The following ROCK1 variants were observed in gnomAD, a reference collection of about 807,000 sequenced individuals.
ROCK1 encodes Rho associated coiled-coil containing protein kinase 1, also known as rho-associated protein kinase 1.
In ROCK1, 36 loss-of-function variants were observed where a neutral mutation model predicts 196.8. The ratio of observed to expected loss-of-function variants is 0.18; its 90% confidence interval spans 0.14 to 0.24. The LOEUF is 0.24. ROCK1 is among the 10% of genes least tolerant of loss of function. The probability of loss-of-function intolerance (pLI) is 1.00; values close to 1 mark genes in which losing one functional copy is unlikely to be tolerated. For synonymous variants in ROCK1, 443 were observed against 515.9 expected (o/e 0.86, Z 1.91); for missense variants, 920 against 1,562.0 (o/e 0.59, Z 6.93).
At position 20,972,329 on chromosome 18, in the gene ROCK1, C is replaced by T. The variant is rs2035437041; in HGVS notation, c.2655-1816G>A. ...ATGAGGAAGACAGGAAGGAGCAGTTCGCAAGGTCAGGGAATCAGGAAGTTT... is the reference window on the plus strand; with the variant it reads ...ATGAGGAAGACAGGAAGGAGCAGTTTGCAAGGTCAGGGAATCAGGAAGTTT... On this transcript the variant is annotated intron_variant, in intron 22 of 32. Coordinates refer to ENST00000399799, the MANE Select transcript of ROCK1 (RefSeq NM_005406.3). Among the ~76,000 whole-genome samples, 3 of 152,226 alleles carry T rather than the reference C, an allele frequency of 2.0e-5. No individual in the cohort carries two copies. In the South Asian group the frequency reaches 6.2e-4, roughly 32 times the overall value.
intron 32 of ROCK1, among the ~76,000 whole-genome samples, chr18:20,952,213 C>G (rs937070502): frequency 6.6e-6 from 1 of 151,580 alleles, no homozygotes; most frequent in Non-Finnish European, 1.5e-5. Flanking sequence ...TAAACTCCAT[C>G]TCTACTAAAA....
intron 1 of ROCK1, among the ~76,000 whole-genome samples, chr18:21,088,456 C>T (rs953319388): frequency 2.6e-5 from 4 of 152,168 alleles, no homozygotes; most frequent in African/African-American, 9.7e-5. Flanking sequence ...GCTATGATCA[C>T]GTCACTGCAC....
chr18:21,052,382 T>C (rs958264028), intron 2 of ROCK1, among the ~76,000 whole-genome samples: 2 of 152,184 alleles, frequency 1.3e-5, no homozygotes, highest in African/African-American at 4.8e-5. Flanking sequence ...CCTACCCAAA[T>C]CTCAGGATCT....
At chr18:20,997,722 A>G (rs1240314891) in intron 16 of ROCK1, among the ~76,000 whole-genome samples, 1 of 152,198 alleles carries the variant, frequency 6.6e-6, no homozygotes, top group Non-Finnish European at 1.5e-5. Context: ...TCAAGGACAG[A>G]CCATATGTTA....
chr18:21,026,762 T>C (rs1308285063), intron 10 of ROCK1, among the ~76,000 whole-genome samples: 1 of 152,126 alleles, frequency 6.6e-6, no homozygotes, highest in Non-Finnish European at 1.5e-5. Flanking sequence ...TGACCTCAAA[T>C]GTAATAATTT....
chr18:21,102,245 A>G (rs550608530), intron 1 of ROCK1, among the ~76,000 whole-genome samples: 5 of 152,298 alleles, frequency 3.3e-5, no homozygotes, highest in East Asian at 1.9e-4. Flanking sequence ...AAGTGCCTCA[A>G]GTGAATCTGA....
At position 20,960,016 on chromosome 18, in the gene ROCK1, G is replaced by C. The variant is rs2035311638; in HGVS notation, c.3424-88C>G. Reference sequence around the variant, plus strand: ...GCATAATATTTGCCACTAATATCTAGATTATACTGTATTAATGTAAAATAA... The same window carrying C: ...GCATAATATTTGCCACTAATATCTACATTATACTGTATTAATGTAAAATAA... On this transcript the variant is annotated intron_variant, in intron 28 of 32. Coordinates refer to ENST00000399799, the MANE Select transcript of ROCK1 (RefSeq NM_005406.3). The C allele has an allele frequency of 2.9e-6, 3 of 1,029,688 alleles. No homozygotes were observed. In the Middle Eastern group the frequency reaches 6.2e-4, roughly 212 times the overall value. 63.8% of individuals were successfully genotyped at this position (1,029,688 alleles called of 1,614,324 possible).
intron 20 of ROCK1, among the ~76,000 whole-genome samples, chr18:20,984,124 T>C (rs1003187585): frequency 7.9e-5 from 12 of 152,188 alleles, no homozygotes; most frequent in Admixed American, 3.3e-4. Flanking sequence ...CCTGAAGAAA[T>C]GTGATGACTT....
intron 1 of ROCK1, among the ~76,000 whole-genome samples, chr18:21,103,412 A>C (rs1009227830): frequency 7.2e-5 from 11 of 152,048 alleles, no homozygotes; most frequent in Non-Finnish European, 1.5e-4. Context: ...GTTTTAATTG[A>C]AGTGTAATAA....
chr18:20,982,875 A>G (rs746413278), intron 20 of ROCK1, 43 bp from the exon 21 acceptor site: 1 of 817,694 alleles, frequency 1.2e-6, no homozygotes, highest in East Asian at 2.6e-5. Flanking sequence ...GCTCCTACTT[A>G]TACTAGACTT....
intron 1 of ROCK1, among the ~76,000 whole-genome samples, chr18:21,109,626 G>A (rs1192010512): frequency 6.6e-6 from 1 of 152,064 alleles, no homozygotes. Flanking sequence ...ACCCACAATA[G>A]TCTTATTTCC....
chr18:21,072,330 C>CTTTTTATTA (rs1178211844), intron 1 of ROCK1, among the ~76,000 whole-genome samples: 2 of 152,144 alleles, frequency 1.3e-5, no homozygotes, highest in Non-Finnish European at 2.9e-5. Flanking sequence ...ACTTGTGTGC[C>CTTTTTATTA]TTTATTAGGG....
At chr18:20,985,860 T>C (rs1483303954) in intron 19 of ROCK1, among the ~76,000 whole-genome samples, 1 of 152,096 alleles carries the variant, frequency 6.6e-6, no homozygotes, top group Non-Finnish European at 1.5e-5. Context: ...CATGCAAGTT[T>C]TATTTTTTAT....
At chr18:21,056,095 T>C (rs2036242909) in intron 2 of ROCK1, among the ~76,000 whole-genome samples, 1 of 152,172 alleles carries the variant, frequency 6.6e-6, no homozygotes, top group African/African-American at 2.4e-5. Context: ...GTTCCTCCCC[T>C]TCTCTCAGAT....
intron 1 of ROCK1, among the ~76,000 whole-genome samples, chr18:21,089,772 T>C (rs1009514868): frequency 2.6e-5 from 4 of 152,196 alleles, no homozygotes; most frequent in Non-Finnish European, 5.9e-5. Context: ...TATTGAATAC[T>C]GTACTGAAAG....
chr18:21,005,100 T>C (rs1411644272), intron 16 of ROCK1, among the ~76,000 whole-genome samples: 1 of 152,226 alleles, frequency 6.6e-6, no homozygotes, highest in Non-Finnish European at 1.5e-5. Flanking sequence ...ATATTTGTTT[T>C]GATTAGGTAG....
chr18:21,046,228 C>T (rs1477908045), intron 4 of ROCK1, among the ~76,000 whole-genome samples: 3 of 152,038 alleles, frequency 2.0e-5, no homozygotes, highest in Non-Finnish European at 2.9e-5. Flanking sequence ...TTCTTATTAG[C>T]TGTGTGACTA....
chr18:20,977,319 C>G (rs1450428808), intron 22 of ROCK1, among the ~76,000 whole-genome samples: 1 of 152,204 alleles, frequency 6.6e-6, no homozygotes, highest in Non-Finnish European at 1.5e-5. Context: ...ACACAAGGTC[C>G]TTTGTAATCT....
At chr18:21,027,287 C>T (rs2035966879) in intron 10 of ROCK1, among the ~76,000 whole-genome samples, 1 of 152,166 alleles carries the variant, frequency 6.6e-6, no homozygotes, top group African/African-American at 2.4e-5. Flanking sequence ...ACAATTTATG[C>T]ATTTCTCACC....
Sources: allele counts gnomAD v4.1 joint callset (sites outside exome capture counted in the v4.1 genomes callset), GRCh38; gene constraint gnomAD v4.1.1; transcripts MANE v1.5; gene names NCBI Gene and HGNC (gene_info 2026-07-23, HGNC 2026-07-21).